LYRM7: variants seen among roughly 807,000 people sequenced by gnomAD.
The protein encoded by LYRM7 is LYR motif containing 7, also known as complex III assembly factor LYRM7.
Under a neutral mutation model 15.8 loss-of-function variants are expected in LYRM7, and 9 were observed. The ratio of observed to expected loss-of-function variants is 0.57; its 90% CI spans 0.34 to 0.99. The LOEUF (loss-of-function observed/expected upper bound fraction) is 0.99. Ranked by LOEUF, LYRM7 falls within the 50% of genes least tolerant of loss-of-function variation. LYRM7 has a pLI of 0.02. For synonymous variants in LYRM7, 39 were observed against 39.4 expected (o/e 0.99, Z 0.04); for missense variants, 115 against 119.1 (o/e 0.97, Z 0.16).
chr5:131,199,673 A>T lies in LYRM7; in HGVS notation c.*72A>T. Reference sequence around the variant, plus strand: ...TACAACTCTGGCAAAAGTCCTGGAAATGCAGACATTTTCCCTGAACTGGCA... The same window carrying T: ...TACAACTCTGGCAAAAGTCCTGGAATTGCAGACATTTTCCCTGAACTGGCA... On this transcript the variant is annotated 3_prime_UTR_variant, in exon 5 of 5. Coordinates refer to ENST00000379380, the MANE Select transcript of LYRM7 (RefSeq NM_181705.4). The T allele has an allele frequency of 9.5e-7, 1 of 1,048,880 alleles. No homozygotes were observed. Among genetic ancestry groups the T allele is most frequent in the Non-Finnish European group, 1.4e-6 (1 of 711,812 alleles). 65.0% of individuals were successfully genotyped at this position (1,048,880 alleles called of 1,614,324 possible). A position where few individuals can be genotyped will look rare whatever the true frequency, so the allele number is the denominator to read the frequency against.
intron 1 of LYRM7, among the ~76,000 whole-genome samples, chr5:131,174,238 C>G (rs1041082272): frequency 6.6e-6 from 1 of 152,206 alleles, no homozygotes; most frequent in Non-Finnish European, 1.5e-5. Context: ...AGAAGCAACT[C>G]CTCATGCATT....
intron 3 of LYRM7, among the ~76,000 whole-genome samples, chr5:131,184,012 C>T (rs907420891): frequency 2.6e-5 from 4 of 151,764 alleles, no homozygotes; most frequent in African/African-American, 7.3e-5. Context: ...CTCTTGTTGC[C>T]CAGGCTGGAG....
At chr5:131,180,000 G>T in intron 1 of LYRM7, 95 bp from the exon 2 acceptor site, 1 of 831,450 alleles carries the variant, frequency 1.2e-6, no homozygotes. Context: ...TCGAACTCCT[G>T]GGCTAAAGCG....
rs1014470323 is a variant in LYRM7, at chr5:131,203,771, C to T, written c.*4170C>T. The T allele has an allele frequency of 6.6e-6, 1 of 152,318 alleles. No homozygotes were observed. The highest frequency in any genetic ancestry group is 1.5e-5 in the Non-Finnish European group (1 of 68,034). 9.4% of individuals were successfully genotyped at this position (152,318 alleles called of 1,614,324 possible). A position where few individuals can be genotyped will look rare whatever the true frequency, so the allele number is the denominator to read the frequency against. ...CATAAAAATATAAAACTTCTGTATT[C>T]TGTGAAAGCTACTATAAATAAAGTT... On this transcript the variant is annotated 3_prime_UTR_variant, in exon 5 of 5. Transcript: ENST00000379380.
At chr5:131,178,731 G>A (rs1755637795) in intron 1 of LYRM7, among the ~76,000 whole-genome samples, 1 of 152,180 alleles carries the variant, frequency 6.6e-6, no homozygotes, top group Admixed American at 6.5e-5. Flanking sequence ...GGGAGGCCAA[G>A]TCAGCGGACC....
chr5:131,180,152 G>A lies in LYRM7; in HGVS notation c.76G>A (p.Ala26Thr), dbSNP rs774040030. ...RTRQQVFKND[A>T]RALEAARIKI... ...CAGACAACAAGTTTTTAAAAATGAT[G>A]CCAGAGCATTAGAAGGTAAGTATGT... The change falls in exon 2 of 5, where the codon GCC becomes ACC. Residue 26 changes from alanine (A) to threonine (T), a missense_variant. By Grantham distance (58) the Ala-to-Thr change is moderately conservative (BLOSUM62 0). Coordinates refer to ENST00000379380, the MANE Select transcript of LYRM7 (RefSeq NM_181705.4). 1.9e-6 allele frequency: 3 copies of A among 1,610,760 alleles called. No individual in the cohort carries two copies. The highest frequency in any genetic ancestry group is 2.5e-6 in the Non-Finnish European group (3 of 1,177,236).
intron 4 of LYRM7, among the ~76,000 whole-genome samples, chr5:131,190,333 T>C (rs1266878356): frequency 6.6e-6 from 1 of 151,850 alleles, no homozygotes; most frequent in Non-Finnish European, 1.5e-5. Flanking sequence ...GTAGCTGATA[T>C]TACAAGCGTG....
rs971829964 is a variant in LYRM7 at position 131,202,503 on chromosome 5, A to G, written c.*2902A>G. ...AGACTCCGTCTCAAAAAAAGAAAAA[A>G]AGAAAACTTTTTTACACATGGGTAT... On this transcript the variant is annotated 3_prime_UTR_variant, in exon 5 of 5. Transcript: ENST00000379380. 1 of 152,268 alleles carries G rather than the reference A, an allele frequency of 6.6e-6. No homozygotes were observed. The highest frequency in any genetic ancestry group is 2.4e-5 in the African/African-American group (1 of 41,410). 9.4% of individuals were successfully genotyped at this position (152,268 alleles called of 1,614,324 possible). A position where few individuals can be genotyped will look rare whatever the true frequency, so the allele number is the denominator to read the frequency against.
rs941222900 is a variant in LYRM7, at chr5:131,197,383, G to A, written c.245-2148G>A. On this transcript the variant is annotated intron_variant, in intron 4 of 4. Coordinates refer to ENST00000379380, the MANE Select transcript of LYRM7 (RefSeq NM_181705.4). ...TAAAAGCAAGTGAGATATAAACAAT[G>A]GTTAAATAATACTTATTTAACTGGT... Among the ~76,000 whole-genome samples, 5 of 152,092 alleles carry A rather than the reference G, an allele frequency of 3.3e-5. 1 individual carries two copies. In the East Asian group the frequency reaches 9.7e-4, roughly 29 times the overall value.
At chr5:131,198,483 A>C (rs184555361) in intron 4 of LYRM7, among the ~76,000 whole-genome samples, 10 of 152,312 alleles carry the variant, frequency 6.6e-5, no homozygotes, top group African/African-American at 2.4e-4. Context: ...AGGTCGTGCA[A>C]GCATTTTTTG....
At chr5:131,185,085 C>T (rs527239330) in intron 3 of LYRM7, among the ~76,000 whole-genome samples, 14 of 152,154 alleles carry the variant, frequency 9.2e-5, no homozygotes, top group Non-Finnish European at 1.8e-4. Context: ...TTATAACAGC[C>T]TCTTAATGGG....
intron 4 of LYRM7, among the ~76,000 whole-genome samples, chr5:131,187,845 G>A (rs1394630623): frequency 6.6e-6 from 1 of 152,026 alleles, no homozygotes; most frequent in Non-Finnish European, 1.5e-5. Flanking sequence ...ATATAGTTGA[G>A]GATCCTCCAT....
intron 1 of LYRM7, among the ~76,000 whole-genome samples, chr5:131,173,704 G>A (rs749650683): frequency 6.6e-6 from 1 of 152,158 alleles, no homozygotes; most frequent in Non-Finnish European, 1.5e-5. Flanking sequence ...AGCCGAGATC[G>A]CACCATTGCA....
chr5:131,194,479 C>G (rs1755932883), intron 4 of LYRM7, among the ~76,000 whole-genome samples: 1 of 152,180 alleles, frequency 6.6e-6, no homozygotes, highest in Non-Finnish European at 1.5e-5. Flanking sequence ...TAAGACAGAA[C>G]CTAGAGAATT....
chr5:131,193,829 G>A (rs569014038), intron 4 of LYRM7, among the ~76,000 whole-genome samples: 2 of 152,236 alleles, frequency 1.3e-5, no homozygotes, highest in East Asian at 3.9e-4. Context: ...GATCAACATG[G>A]AGAAACCTCA....
At chr5:131,173,549 A>G (rs1353326973) in intron 1 of LYRM7, among the ~76,000 whole-genome samples, 1 of 152,170 alleles carries the variant, frequency 6.6e-6, no homozygotes. Flanking sequence ...TTCGAGACCC[A>G]TCTGGCCAAC....
Position 131,171,056 on chromosome 5 carries a change from G to A in LYRM7, c.18+18G>A. On this transcript the variant is annotated intron_variant, in intron 1 of 4. Transcript: ENST00000379380. ...CAGTCAAGGTGACAGGGCCCGGGAA[G>A]GGGTGGGTACGATGCCGTCGGGGAG... 1 of 1,525,808 alleles carries A rather than the reference G, an allele frequency of 6.6e-7. No homozygotes were observed. Among genetic ancestry groups the A allele is most frequent in the Non-Finnish European group, 8.7e-7 (1 of 1,147,260 alleles). 94.5% of individuals were successfully genotyped at this position (1,525,808 alleles called of 1,614,324 possible).
intron 2 of LYRM7, among the ~76,000 whole-genome samples, chr5:131,181,292 A>ATATATATATAT (rs1181892950): frequency 1.2e-4 from 2 of 16,122 alleles, no homozygotes; most frequent in African/African-American, 3.0e-4. Context: ...AAAAAAAAAA[A>ATATATATATAT]AAAAAAAAAA....
chr5:131,189,995 A>C (rs1000380700), intron 4 of LYRM7, among the ~76,000 whole-genome samples: 1 of 151,792 alleles, frequency 6.6e-6, no homozygotes, highest in African/African-American at 2.4e-5. Context: ...TTCACCAGGC[A>C]TGGTAATGTG....
Sources: gnomAD v4.1 joint callset for allele counts (sites outside exome capture counted in the v4.1 genomes callset) on GRCh38, gnomAD v4.1.1 for gene constraint, MANE v1.5 for transcripts, NCBI Gene and HGNC (gene_info 2026-07-23, HGNC 2026-07-21) for gene names.